LINGO2: variants seen among roughly 807,000 people sequenced by gnomAD.
LINGO2 encodes leucine rich repeat and Ig domain containing 2, also known as leucine-rich repeat and immunoglobulin-like domain-containing nogo receptor-interacting protein 2.
A neutral mutation model predicts 30.6 loss-of-function variants in LINGO2; 14 were observed. That is an observed-to-expected ratio of 0.46 (90% CI 0.30 to 0.72). LINGO2 has a LOEUF of 0.72. LINGO2 is among the 30% of genes least tolerant of loss of function. LINGO2 has a pLI of 0.07. For synonymous variants in LINGO2, 317 were observed against 288.5 expected (o/e 1.10, Z -1.00); for missense variants, 729 against 751.7 (o/e 0.97, Z 0.35).
At chr9:28,555,714 A>G (rs1177049666) in intron 1 of LINGO2, among the ~76,000 whole-genome samples, 1 of 152,118 alleles carries the variant, frequency 6.6e-6, no homozygotes, top group Non-Finnish European at 1.5e-5. Context: ...TTTTAGACCA[A>G]TATCCTTGAT....
At chr9:28,021,304 C>T (rs767379815) in intron 4 of LINGO2, among the ~76,000 whole-genome samples, 3 of 152,214 alleles carry the variant, frequency 2.0e-5, no homozygotes, top group South Asian at 2.1e-4. Flanking sequence ...AAATATTTGA[C>T]ATTTTCTAGC....
the LINGO2 span, among the ~76,000 whole-genome samples, chr9:28,781,217 A>C: frequency 6.6e-6 from 1 of 152,074 alleles, no homozygotes; most frequent in Admixed American, 6.6e-5. Flanking sequence ...AGCCCATATG[A>C]TCTGAGCTGG....
At chr9:28,189,397 A>G (rs1386102206) in intron 4 of LINGO2, among the ~76,000 whole-genome samples, 2 of 58,338 alleles carry the variant, frequency 3.4e-5, no homozygotes, top group Non-Finnish European at 6.2e-5. Flanking sequence ...GGGAGGGAGG[A>G]AGGAAGGGAG....
At chr9:28,795,536 A>T in the LINGO2 span, among the ~76,000 whole-genome samples, 1 of 151,826 alleles carries the variant, frequency 6.6e-6, no homozygotes, top group Admixed American at 6.6e-5. Flanking sequence ...TAACTAGTCT[A>T]TTTCTTTATA....
At chr9:29,043,516 CTTAA>C in the LINGO2 span, among the ~76,000 whole-genome samples, 1 of 151,944 alleles carries the variant, frequency 6.6e-6, no homozygotes, top group Non-Finnish European at 1.5e-5. Flanking sequence ...TATTTGCACT[CTTAA>C]TTGAGTTCTA....
At chr9:29,125,372 C>A in the LINGO2 span, among the ~76,000 whole-genome samples, 1 of 151,974 alleles carries the variant, frequency 6.6e-6, no homozygotes, top group Admixed American at 6.6e-5. Flanking sequence ...CACATATATA[C>A]CTATGGAACA....
the LINGO2 span, among the ~76,000 whole-genome samples, chr9:28,983,943 CA>C: frequency 2.0e-5 from 3 of 152,044 alleles, no homozygotes; most frequent in Admixed American, 2.0e-4. Context: ...GGAGGCTTTA[CA>C]ATGTCAGTCA....
intron 3 of LINGO2, among the ~76,000 whole-genome samples, chr9:28,324,360 G>A (rs1825150012): frequency 6.6e-6 from 1 of 152,144 alleles, no homozygotes; most frequent in South Asian, 2.1e-4. Flanking sequence ...AGTTGTCAGA[G>A]GTGTTTGAAC....
At chr9:28,769,077 A>AG in the LINGO2 span, among the ~76,000 whole-genome samples, 1 of 152,000 alleles carries the variant, frequency 6.6e-6, no homozygotes, top group Admixed American at 6.6e-5. Context: ...AAAATTGTAA[A>AG]TGGATTAAAT....
At chr9:28,644,439 C>T (rs934713309) in intron 1 of LINGO2, among the ~76,000 whole-genome samples, 5 of 151,686 alleles carry the variant, frequency 3.3e-5, no homozygotes, top group Non-Finnish European at 5.9e-5. Flanking sequence ...GACAAACACT[C>T]GATATGTTCA....
chr9:28,317,749 A>T (rs1439424307), intron 3 of LINGO2, among the ~76,000 whole-genome samples: 3 of 152,190 alleles, frequency 2.0e-5, no homozygotes, highest in Admixed American at 2.0e-4. Context: ...ATATTAATTC[A>T]TACAGGGTAC....
chr9:29,129,203 G>A, the LINGO2 span, among the ~76,000 whole-genome samples: 1 of 152,028 alleles, frequency 6.6e-6, no homozygotes, highest in Non-Finnish European at 1.5e-5. Flanking sequence ...ATTTACTTTT[G>A]AGGCTTTTAT....
chr9:28,725,206 GT>G, the LINGO2 span, among the ~76,000 whole-genome samples: 1 of 151,832 alleles, frequency 6.6e-6, no homozygotes, highest in East Asian at 1.9e-4. Flanking sequence ...TTACCTATAT[GT>G]ATGCGTATTT....
At chr9:28,677,044 G>A in the LINGO2 span, among the ~76,000 whole-genome samples, 1,146 of 152,208 alleles carry the variant, frequency 7.5e-3, 11 homozygotes, top group African/African-American at 0.022. Flanking sequence ...AATGCTTTCC[G>A]TATGCTAGGC....
At chr9:27,948,809 T>G in exon 6 of LINGO2, 1 of 1,564,046 alleles carries the variant, frequency 6.4e-7, no homozygotes, top group African/African-American at 1.4e-5. Context: ...TCTTACTGAT[T>G]ACCCACATTG....
chr9:27,998,822 T>G (rs1334733176), intron 5 of LINGO2, among the ~76,000 whole-genome samples: 1 of 151,776 alleles, frequency 6.6e-6, no homozygotes, highest in Non-Finnish European at 1.5e-5. Flanking sequence ...AGAATTCGAG[T>G]AAGAACTGCC....
the LINGO2 span, among the ~76,000 whole-genome samples, chr9:28,984,081 T>C: frequency 6.6e-6 from 1 of 152,076 alleles, no homozygotes; most frequent in Non-Finnish European, 1.5e-5. Context: ...TAATCCCTTC[T>C]TCACTCTCTT....
intron 4 of LINGO2, among the ~76,000 whole-genome samples, chr9:28,237,076 G>A (rs1412203893): frequency 2.3e-5 from 3 of 130,358 alleles, no homozygotes; most frequent in Non-Finnish European, 4.7e-5. Context: ...AAAAGACACA[G>A]TACAGTAAGT....
At chr9:28,730,994 A>AT in the LINGO2 span, among the ~76,000 whole-genome samples, 1,400 of 146,832 alleles carry the variant, frequency 9.5e-3, 47 homozygotes, top group East Asian at 0.09. Context: ...ACTCCTGAGA[A>AT]TTTTTTTTTT....
Sources: gnomAD v4.1 joint callset for allele counts (sites outside exome capture counted in the v4.1 genomes callset) on GRCh38, gnomAD v4.1.1 for gene constraint, MANE v1.5 for transcripts, NCBI Gene and HGNC (gene_info 2026-07-23, HGNC 2026-07-21) for gene names.